Variants in GRIN2B observed in about 807,000 individuals in gnomAD.
GRIN2B encodes the protein glutamate receptor ionotropic, NMDA 2B.
A neutral mutation model predicts 114.5 loss-of-function variants in GRIN2B; 5 were observed. The observed-to-expected ratio is 0.04, with a 90% confidence interval of 0.02 to 0.09. The LOEUF is 0.09. Among genes scored for constraint, GRIN2B ranks in the 10% least tolerant of loss-of-function variants. The probability of loss-of-function intolerance (pLI) is 1.00; values close to 1 mark genes in which losing one functional copy is unlikely to be tolerated. For missense variants in GRIN2B, 1,108 were observed against 1,943.5 expected (o/e 0.57, Z 8.08); for synonymous variants, 787 against 745.1 (o/e 1.06, Z -0.92).
chr12:13,953,502 G>C (rs553454583), intron 2 of GRIN2B, among the ~76,000 whole-genome samples: 19 of 152,284 alleles, frequency 1.2e-4, no homozygotes, highest in Admixed American at 7.2e-4. Context: ...CTTTATTGCA[G>C]AGAGCAAAAA....
intron 9 of GRIN2B, among the ~76,000 whole-genome samples, chr12:13,610,560 ACCCCAACT>A (rs2136473364): frequency 1.3e-5 from 2 of 152,262 alleles, no homozygotes; most frequent in South Asian, 4.2e-4. Context: ...CCATGGAGAC[ACCCCAACT>A]CCCACCTCAG....
intron 10 of GRIN2B, among the ~76,000 whole-genome samples, chr12:13,594,461 G>A (rs578215667): frequency 3.9e-5 from 6 of 151,954 alleles, no homozygotes; most frequent in African/African-American, 1.4e-4. Context: ...ATTCATAAGT[G>A]GGAGTTGAGC....
chr12:13,960,679 A>G (rs1867672415), intron 2 of GRIN2B, among the ~76,000 whole-genome samples: 1 of 152,176 alleles, frequency 6.6e-6, no homozygotes, highest in African/African-American at 2.4e-5. Context: ...TTTTAGGGTG[A>G]CCACACTGAA....
chr12:13,865,224 C>A (rs149906259), intron 3 of GRIN2B, among the ~76,000 whole-genome samples: 4 of 152,312 alleles, frequency 2.6e-5, no homozygotes, highest in Non-Finnish European at 2.9e-5. Flanking sequence ...GAGCTACAAG[C>A]GTCAACATCC....
chr12:13,923,716 G>A (rs1466309682), intron 2 of GRIN2B, among the ~76,000 whole-genome samples: 6 of 152,140 alleles, frequency 3.9e-5, no homozygotes, highest in South Asian at 2.1e-4. Flanking sequence ...GAGGGATGCC[G>A]CCATCTTTGC....
At chr12:13,668,001 A>G (rs528821747) in intron 5 of GRIN2B, among the ~76,000 whole-genome samples, 1 of 152,212 alleles carries the variant, frequency 6.6e-6, no homozygotes, top group African/African-American at 2.4e-5. Context: ...CTGGAAAAGC[A>G]TTGTAAAATA....
At chr12:13,866,330 G>A (rs765148053) in intron 2 of GRIN2B, 104 bp from the exon 3 acceptor site, 7 of 987,536 alleles carry the variant, frequency 7.1e-6, no homozygotes, top group Non-Finnish European at 9.3e-6. Flanking sequence ...TCCTTTCATT[G>A]AGCACCAAAC....
At chr12:13,634,041 A>T (rs751422937) in intron 5 of GRIN2B, 19 of 152,190 alleles carry the variant, frequency 1.2e-4, no homozygotes, top group Non-Finnish European at 2.8e-4. Flanking sequence ...TACATAAAAG[A>T]TCCTTCACAC....
At chr12:13,716,974 G>A (rs761656413) in intron 4 of GRIN2B, among the ~76,000 whole-genome samples, 14 of 151,694 alleles carry the variant, frequency 9.2e-5, no homozygotes, top group Non-Finnish European at 1.6e-4. Flanking sequence ...CAGAAAATAA[G>A]AACGGTCAGT....
intron 4 of GRIN2B, among the ~76,000 whole-genome samples, chr12:13,724,177 C>A (rs958602325): frequency 1.3e-5 from 2 of 152,150 alleles, no homozygotes; most frequent in African/African-American, 2.4e-5. Flanking sequence ...CAATATGTGA[C>A]CCCATCTCTC....
chr12:13,937,947 G>C (rs1867157883), intron 2 of GRIN2B, among the ~76,000 whole-genome samples: 1 of 151,996 alleles, frequency 6.6e-6, no homozygotes, highest in African/African-American at 2.4e-5. Flanking sequence ...TGAGAAACAG[G>C]AAGTATGCAA....
chr12:13,812,930 A>ATTTTTTTTTTTTTTTTT (rs34773248), intron 3 of GRIN2B, among the ~76,000 whole-genome samples: 1 of 118,392 alleles, frequency 8.4e-6, no homozygotes, highest in Non-Finnish European at 1.7e-5. Flanking sequence ...AGTTTTGGGA[A>ATTTTTTTTTTTTTTTTT]TTTTTTTTTT....
chr12:13,775,357 T>C (rs1309296780), intron 3 of GRIN2B, among the ~76,000 whole-genome samples: 2 of 152,196 alleles, frequency 1.3e-5, no homozygotes, highest in African/African-American at 2.4e-5. Flanking sequence ...ACAGGCTGTT[T>C]ATTTTAGGCA....
At chr12:13,848,162 T>C (rs1217613839) in intron 3 of GRIN2B, among the ~76,000 whole-genome samples, 2 of 152,314 alleles carry the variant, frequency 1.3e-5, no homozygotes, top group South Asian at 4.2e-4. Context: ...ATCAGGAAAG[T>C]ACCTTCCGTT....
chr12:13,763,647 A>G (rs1471458192), intron 3 of GRIN2B, among the ~76,000 whole-genome samples: 1 of 152,052 alleles, frequency 6.6e-6, no homozygotes, highest in African/African-American at 2.4e-5. Context: ...AAACTCCTGC[A>G]CACCCACACT....
At chr12:13,978,300 G>A (rs1181507913) in intron 2 of GRIN2B, among the ~76,000 whole-genome samples, 1 of 152,172 alleles carries the variant, frequency 6.6e-6, no homozygotes, top group Non-Finnish European at 1.5e-5. Context: ...TCTCTAAGGT[G>A]AGCACACACC....
chr12:13,882,675 A>G (rs774406759), intron 2 of GRIN2B, among the ~76,000 whole-genome samples: 1 of 152,220 alleles, frequency 6.6e-6, no homozygotes, highest in Non-Finnish European at 1.5e-5. Flanking sequence ...GAAGCTTGTT[A>G]TTACTAAATG....
At chr12:13,969,635 T>C (rs1867843948) in intron 2 of GRIN2B, among the ~76,000 whole-genome samples, 1 of 152,244 alleles carries the variant, frequency 6.6e-6, no homozygotes, top group African/African-American at 2.4e-5. Context: ...TTCATTCCAC[T>C]TCTTGTCTTT....
At chr12:13,931,957 T>G (rs1423117836) in intron 2 of GRIN2B, among the ~76,000 whole-genome samples, 1 of 152,170 alleles carries the variant, frequency 6.6e-6, no homozygotes, top group East Asian at 1.9e-4. Flanking sequence ...TACAAACTAT[T>G]CACTCTCTAG....
Sources: allele counts gnomAD v4.1 joint callset (sites outside exome capture counted in the v4.1 genomes callset), GRCh38; gene constraint gnomAD v4.1.1; transcripts MANE v1.5; gene names NCBI Gene and HGNC (gene_info 2026-07-23, HGNC 2026-07-21).